SLC25A13: variants seen among roughly 807,000 people sequenced by gnomAD.
SLC25A13 encodes the protein electrogenic aspartate/glutamate antiporter SLC25A13, mitochondrial.
Under a neutral mutation model 85.5 loss-of-function variants are expected in SLC25A13, and 70 were observed. The observed-to-expected ratio is 0.82, with a 90% CI of 0.68 to 1.00. The LOEUF is 1.00. Among genes scored for constraint, SLC25A13 ranks in the 50% least tolerant of loss-of-function variants. SLC25A13 has a pLI of 0.00. For missense variants in SLC25A13, 765 were observed against 819.8 expected, an observed-to-expected ratio of 0.93 and a Z score of 0.82; for synonymous variants, 259 against 288.7, an observed-to-expected ratio of 0.90 and a Z score of 1.04.
intron 1 of SLC25A13, among the ~76,000 whole-genome samples, chr7:96,308,786 C>A (rs1799852260): frequency 6.6e-6 from 1 of 152,080 alleles, no homozygotes; most frequent in Non-Finnish European, 1.5e-5. Flanking sequence ...AAAACAACAA[C>A]AAAATTTGCA....
chr7:96,253,469 A>G (rs968809776), intron 3 of SLC25A13, among the ~76,000 whole-genome samples: 2 of 152,228 alleles, frequency 1.3e-5, no homozygotes, highest in African/African-American at 4.8e-5. Context: ...ACAGGCTCAC[A>G]TGGGATAGGT....
chr7:96,224,679 G>C (rs754616508), intron 4 of SLC25A13, among the ~76,000 whole-genome samples: 1 of 152,204 alleles, frequency 6.6e-6, no homozygotes, highest in South Asian at 2.1e-4. Flanking sequence ...AGCCAGGTAC[G>C]TTCTCTTCCT....
chr7:96,175,400 T>C (rs1421273016), intron 11 of SLC25A13, among the ~76,000 whole-genome samples: 1 of 152,206 alleles, frequency 6.6e-6, no homozygotes, highest in African/African-American at 2.4e-5. Context: ...CAACAGCCAA[T>C]ATTTGGGGAG....
intron 2 of SLC25A13, among the ~76,000 whole-genome samples, chr7:96,281,502 C>T (rs1015061374): frequency 6.6e-6 from 1 of 151,808 alleles, no homozygotes; most frequent in African/African-American, 2.4e-5. Context: ...ATTCCATTCA[C>T]GCAAAGTGAA....
chr7:96,221,439 T>C (rs756444142), intron 4 of SLC25A13, among the ~76,000 whole-genome samples: 147 of 152,336 alleles, frequency 9.6e-4, no homozygotes, highest in Middle Eastern at 6.8e-3. Context: ...CACATTATTT[T>C]TGTGAAACAC....
chr7:96,195,038 T>C (rs1795007655), intron 5 of SLC25A13, among the ~76,000 whole-genome samples: 1 of 152,100 alleles, frequency 6.6e-6, no homozygotes, highest in Non-Finnish European at 1.5e-5. Context: ...CTAGACAGAG[T>C]GCTCTCTCTC....
Position 96,277,367 on chromosome 7 carries a change from T to C in SLC25A13, c.70-29A>G, listed in dbSNP as rs1180573416. On this transcript the variant is annotated intron_variant, in intron 2 of 17. Coordinates refer to ENST00000265631, the MANE Select transcript of SLC25A13 (RefSeq NM_014251.3). ...TTTAAAAAAAAGAAAAACAGTATTT[T>C]ATATATTTGATTTTCAACAGTATAT... 1.9e-6 allele frequency: 3 copies of C among 1,586,960 alleles called. No homozygotes were observed. In the South Asian group the frequency reaches 3.4e-5, roughly 18 times the overall value.
intron 13 of SLC25A13, among the ~76,000 whole-genome samples, chr7:96,155,163 T>G (rs1316820657): frequency 6.6e-6 from 1 of 152,162 alleles, no homozygotes; most frequent in Non-Finnish European, 1.5e-5. Context: ...GAGTACATAG[T>G]TAATCAAGAG....
At chr7:96,209,235 T>C (rs1227827418) in intron 4 of SLC25A13, among the ~76,000 whole-genome samples, 1 of 151,814 alleles carries the variant, frequency 6.6e-6, no homozygotes, top group African/African-American at 2.4e-5. Context: ...CTAAAGGCTG[T>C]AGGAAACCCA....
chr7:96,206,473 T>C (rs1347989298), intron 5 of SLC25A13, among the ~76,000 whole-genome samples: 1 of 152,074 alleles, frequency 6.6e-6, no homozygotes, highest in African/African-American at 2.4e-5. Context: ...AAACAAAACA[T>C]GAAATGGAAG....
intron 15 of SLC25A13, among the ~76,000 whole-genome samples, chr7:96,123,186 T>C (rs569112231): frequency 2.6e-5 from 4 of 152,350 alleles, no homozygotes; most frequent in African/African-American, 4.8e-5. Flanking sequence ...GCTCACTTTA[T>C]ATCCAGTGCT....
chr7:96,135,206 T>C (rs1403370494), intron 14 of SLC25A13, among the ~76,000 whole-genome samples: 1 of 152,108 alleles, frequency 6.6e-6, no homozygotes, highest in African/African-American at 2.4e-5. Flanking sequence ...TTACAAACAT[T>C]AAAGGACACA....
At chr7:96,218,717 T>A (rs1420487794) in intron 4 of SLC25A13, among the ~76,000 whole-genome samples, 3 of 152,304 alleles carry the variant, frequency 2.0e-5, no homozygotes, top group South Asian at 2.1e-4. Flanking sequence ...TCATGGATTT[T>A]AAAAATTCCA....
At chr7:96,273,420 T>A (rs895305680) in intron 3 of SLC25A13, among the ~76,000 whole-genome samples, 1 of 152,284 alleles carries the variant, frequency 6.6e-6, no homozygotes, top group Non-Finnish European at 1.5e-5. Flanking sequence ...TCTAGTATAT[T>A]TAAATATGGA....
At chr7:96,194,574 G>A (rs1158305107) in intron 5 of SLC25A13, among the ~76,000 whole-genome samples, 2 of 149,986 alleles carry the variant, frequency 1.3e-5, no homozygotes, top group African/African-American at 4.9e-5. Context: ...TAATGACATC[G>A]TATTTATTCA....
chr7:96,286,899 A>T (rs1798911227), intron 2 of SLC25A13, among the ~76,000 whole-genome samples: 1 of 152,240 alleles, frequency 6.6e-6, no homozygotes, highest in East Asian at 1.9e-4. Context: ...TGCTACCATC[A>T]CACCTGGTGT....
chr7:96,219,752 T>C, intron 4 of SLC25A13: 1 of 534,464 alleles, frequency 1.9e-6, no homozygotes, highest in Non-Finnish European at 3.8e-6. Flanking sequence ...ACCTCATTGA[T>C]AAGACTCCCT....
intron 1 of SLC25A13, among the ~76,000 whole-genome samples, chr7:96,307,637 G>A (rs1469625010): frequency 2.0e-5 from 3 of 152,006 alleles, no homozygotes; most frequent in Non-Finnish European, 4.4e-5. Flanking sequence ...CAATATTGAG[G>A]ACATAAATTG....
At chr7:96,216,835 C>A (rs1584468311) in intron 4 of SLC25A13, among the ~76,000 whole-genome samples, 2 of 151,946 alleles carry the variant, frequency 1.3e-5, no homozygotes, top group African/African-American at 4.8e-5. Flanking sequence ...ATTTGTACGA[C>A]AAACCCCTAT....
Sources: allele counts gnomAD v4.1 joint callset (sites outside exome capture counted in the v4.1 genomes callset), GRCh38; gene constraint gnomAD v4.1.1; transcripts MANE v1.5; gene names NCBI Gene and HGNC (gene_info 2026-07-23, HGNC 2026-07-21).